The following GUCY1A2 variants were observed in gnomAD, a reference collection of about 807,000 sequenced individuals.
GUCY1A2 encodes the protein guanylate cyclase soluble subunit alpha-2.
A neutral mutation model predicts 63.5 loss-of-function variants in GUCY1A2; 27 were observed. That is an observed-to-expected ratio of 0.43 (90% CI 0.31 to 0.59). The LOEUF is 0.59. GUCY1A2 is among the 20% of genes least tolerant of loss of function. GUCY1A2 has a pLI of 0.11. For synonymous variants in GUCY1A2, 364 were observed against 343.5 expected (o/e 1.06, Z -0.66); for missense variants, 768 against 913.3 (o/e 0.84, Z 2.05).
chr11:106,969,341 A>G (rs1003389354), intron 3 of GUCY1A2, among the ~76,000 whole-genome samples: 14 of 152,200 alleles, frequency 9.2e-5, no homozygotes, highest in African/African-American at 3.4e-4. Flanking sequence ...AATTTTCACT[A>G]ACTGTCAGAA....
chr11:106,999,665 C>CTAGTATATAT (rs1277701810), intron 1 of GUCY1A2, among the ~76,000 whole-genome samples: 3 of 152,072 alleles, frequency 2.0e-5, no homozygotes, highest in African/African-American at 7.2e-5. Context: ...AAGTGACTTA[C>CTAGTATATAT]TAGTATATAT....
intron 4 of GUCY1A2, among the ~76,000 whole-genome samples, chr11:106,899,812 C>T (rs955627608): frequency 9.2e-5 from 14 of 152,194 alleles, no homozygotes; most frequent in African/African-American, 2.9e-4. Flanking sequence ...TGGCCGGGCA[C>T]GGTGGCTCAC....
intron 3 of GUCY1A2, among the ~76,000 whole-genome samples, chr11:106,945,385 CA>C (rs1860812912): frequency 3.7e-5 from 2 of 54,452 alleles, no homozygotes; most frequent in Admixed American, 4.9e-4. Context: ...TGAAAAAAAA[CA>C]AAAACAAAAA....
rs1860262323 is a variant in GUCY1A2 at position 106,909,430 on chromosome 11, T to C, written c.1206+30030A>G. ...CTGCAACTTTTTCATATGTGTAGGT[T>C]TGCATATCCACCACCATAATCAAGA... On this transcript the variant is annotated intron_variant, in intron 4 of 7. Transcript: ENST00000526355. Among the ~76,000 whole-genome samples, 2 of 145,502 alleles carry C rather than the reference T, an allele frequency of 1.4e-5. 1 individual carries two copies. Among genetic ancestry groups the C allele is most frequent in the African/African-American group, 5.1e-5 (2 of 39,384 alleles).
intron 4 of GUCY1A2, among the ~76,000 whole-genome samples, chr11:106,843,406 T>C (rs1338619964): frequency 1.3e-5 from 2 of 151,288 alleles, no homozygotes; most frequent in African/African-American, 4.8e-5. Flanking sequence ...AAAATCCTAT[T>C]GAAATAAAAA....
intron 7 of GUCY1A2, among the ~76,000 whole-genome samples, chr11:106,701,809 G>A (rs1862822010): frequency 6.6e-6 from 1 of 152,154 alleles, no homozygotes; most frequent in South Asian, 2.1e-4. Context: ...AATGATAAAT[G>A]TTTGAGGTGA....
chr11:106,787,471 C>T (rs1226003594), intron 5 of GUCY1A2, among the ~76,000 whole-genome samples: 2 of 134,662 alleles, frequency 1.5e-5, no homozygotes, highest in Non-Finnish European at 1.6e-5. Context: ...GAAAAAAGAG[C>T]AATCAGAATG....
intron 4 of GUCY1A2, among the ~76,000 whole-genome samples, chr11:106,923,960 G>C (rs1424751403): frequency 1.3e-5 from 2 of 152,028 alleles, no homozygotes; most frequent in African/African-American, 2.4e-5. Flanking sequence ...CATCTATTGA[G>C]ATAAACCAAA....
intron 6 of GUCY1A2, among the ~76,000 whole-genome samples, chr11:106,752,906 C>T (rs904891487): frequency 6.6e-6 from 1 of 152,114 alleles, no homozygotes; most frequent in Non-Finnish European, 1.5e-5. Flanking sequence ...AATGGTAATT[C>T]TGGTTCTAGA....
intron 6 of GUCY1A2, among the ~76,000 whole-genome samples, chr11:106,760,096 C>T (rs1864039793): frequency 6.6e-6 from 1 of 152,142 alleles, no homozygotes; most frequent in African/African-American, 2.4e-5. Context: ...TAAAACATGT[C>T]TTCAAATAAA....
chr11:106,754,847 T>A (rs1863945647), intron 6 of GUCY1A2, among the ~76,000 whole-genome samples: 1 of 152,216 alleles, frequency 6.6e-6, no homozygotes, highest in Admixed American at 6.5e-5. Flanking sequence ...CAGGTTTTGG[T>A]ATCAGGATGA....
At chr11:106,966,574 T>C (rs961755076) in intron 3 of GUCY1A2, among the ~76,000 whole-genome samples, 15 of 152,218 alleles carry the variant, frequency 9.9e-5, no homozygotes, top group African/African-American at 3.4e-4. Context: ...AATATTTGTA[T>C]TGATGGAACA....
chr11:106,756,765 T>C (rs1420938718), intron 6 of GUCY1A2, among the ~76,000 whole-genome samples: 1 of 152,238 alleles, frequency 6.6e-6, no homozygotes, highest in African/African-American at 2.4e-5. Flanking sequence ...CCTTTCTCTC[T>C]AGCTGTCCCT....
chr11:106,938,628 G>A (rs866052785), intron 4 of GUCY1A2, among the ~76,000 whole-genome samples: 4 of 152,172 alleles, frequency 2.6e-5, no homozygotes, highest in East Asian at 1.9e-4. Flanking sequence ...TTGTTTTTCC[G>A]TTTAATCACT....
Position 106,912,489 on chromosome 11 carries a change from C to T in GUCY1A2, c.1206+26971G>A, listed in dbSNP as rs934396853. Among the ~76,000 whole-genome samples the T allele has an allele frequency of 1.4e-3, 208 of 152,154 alleles. 2 individuals are homozygous for T. The highest frequency in any genetic ancestry group is 4.8e-3 in the African/African-American group (198 of 41,542). ...CTCCCCAGAACCAAATAAAGTGCTA[C>T]GAGGTTCAGGGGTTAGTATAAATCT... On this transcript the variant is annotated intron_variant, in intron 4 of 7. Coordinates refer to ENST00000526355, the MANE Select transcript of GUCY1A2 (RefSeq NM_000855.3).
intron 7 of GUCY1A2, among the ~76,000 whole-genome samples, chr11:106,689,882 C>A (rs1862592299): frequency 6.6e-6 from 1 of 151,588 alleles, no homozygotes; most frequent in African/African-American, 2.4e-5. Context: ...GTAATCCCAG[C>A]TACTTAGGAG....
chr11:106,784,320 G>A (rs1447393221), intron 5 of GUCY1A2, among the ~76,000 whole-genome samples: 1 of 152,074 alleles, frequency 6.6e-6, no homozygotes, highest in African/African-American at 2.4e-5. Flanking sequence ...GGGGTTAAGA[G>A]GGCACTCCTT....
intron 3 of GUCY1A2, among the ~76,000 whole-genome samples, chr11:106,975,603 T>C (rs185209412): frequency 5.3e-4 from 80 of 152,234 alleles, no homozygotes; most frequent in Non-Finnish European, 7.4e-5. Context: ...AGCACCAAAA[T>C]ATGGTGAAGA....
chr11:106,794,144 A>C, intron 5 of GUCY1A2, among the ~76,000 whole-genome samples: 1 of 152,104 alleles, frequency 6.6e-6, no homozygotes, highest in East Asian at 1.9e-4. Flanking sequence ...ACACACACAG[A>C]TGTATGTAAA....
Sources: allele counts gnomAD v4.1 joint callset (sites outside exome capture counted in the v4.1 genomes callset), GRCh38; gene constraint gnomAD v4.1.1; transcripts MANE v1.5; gene names NCBI Gene and HGNC (gene_info 2026-07-23, HGNC 2026-07-21).